The following GRM8 variants were observed in gnomAD, a reference collection of about 807,000 sequenced individuals.
GRM8 encodes metabotropic glutamate receptor 8.
GRM8 carries 47 observed loss-of-function variants against 87.2 expected under a neutral mutation model. The observed-to-expected ratio is 0.54, with a 90% confidence interval of 0.43 to 0.69. GRM8 has a LOEUF of 0.69. GRM8 is among the 30% of genes least tolerant of loss of function. The pLI, the probability that GRM8 is intolerant of heterozygous loss-of-function variation, is 0.00. For missense variants in GRM8, 1,019 were observed against 1,139.2 expected, an observed-to-expected ratio of 0.89 and a Z score of 1.52; for synonymous variants, 396 against 404.5, an observed-to-expected ratio of 0.98 and a Z score of 0.25.
At chr7:126,512,661 A>G (rs1811563754) in intron 9 of GRM8, 1 of 152,214 alleles carries the variant, frequency 6.6e-6, no homozygotes, top group South Asian at 2.1e-4. Flanking sequence ...AGGCTGCCTC[A>G]GCACTCCTTC....
intron 6 of GRM8, among the ~76,000 whole-genome samples, chr7:126,794,559 A>C (rs1372009871): frequency 6.6e-6 from 1 of 152,158 alleles, no homozygotes; most frequent in Non-Finnish European, 1.5e-5. Flanking sequence ...ATTTATTCTA[A>C]TATATAAAAA....
chr7:126,612,579 T>TTCTG (rs776344999), intron 7 of GRM8, among the ~76,000 whole-genome samples: 5 of 152,216 alleles, frequency 3.3e-5, no homozygotes, highest in Non-Finnish European at 4.4e-5. Context: ...TTACTATCCA[T>TTCTG]TCTGTACCTG....
intron 8 of GRM8, among the ~76,000 whole-genome samples, chr7:126,545,104 C>T (rs944249458): frequency 3.3e-5 from 5 of 152,258 alleles, no homozygotes; most frequent in South Asian, 2.1e-4. Context: ...GAAAAAGCCA[C>T]GTAAAAGAGT....
chr7:126,558,188 A>C (rs914636562), intron 8 of GRM8, among the ~76,000 whole-genome samples: 1 of 152,210 alleles, frequency 6.6e-6, no homozygotes, highest in Admixed American at 6.5e-5. Context: ...CAGAGAGTTA[A>C]GTACATGTAA....
At chr7:126,758,417 G>C (rs1817241702) in intron 7 of GRM8, among the ~76,000 whole-genome samples, 1 of 152,016 alleles carries the variant, frequency 6.6e-6, no homozygotes, top group Non-Finnish European at 1.5e-5. Flanking sequence ...GAAGAGCTAG[G>C]ATATGAGCTC....
chr7:127,232,020 C>A (rs1282723548), intron 2 of GRM8, among the ~76,000 whole-genome samples: 2 of 152,026 alleles, frequency 1.3e-5, no homozygotes, highest in African/African-American at 4.8e-5. Flanking sequence ...TCTTACCACC[C>A]AACACATGGA....
chr7:126,621,821 AAGTTTCCTCTTTGGAC>A (rs1450985705), intron 7 of GRM8, among the ~76,000 whole-genome samples: 1 of 151,940 alleles, frequency 6.6e-6, no homozygotes, highest in Non-Finnish European at 1.5e-5. Flanking sequence ...TCATCTCCAA[AAGTTTCCTCTTTGGAC>A]ACCACCTTCC....
intron 2 of GRM8, among the ~76,000 whole-genome samples, chr7:127,151,172 C>T (rs1828840583): frequency 6.6e-6 from 1 of 151,976 alleles, no homozygotes; most frequent in Admixed American, 6.6e-5. Context: ...ACTCTATACT[C>T]CAAAAGTCTC....
chr7:126,732,432 T>C (rs1342362097), intron 7 of GRM8, among the ~76,000 whole-genome samples: 1 of 152,176 alleles, frequency 6.6e-6, no homozygotes, highest in East Asian at 1.9e-4. Context: ...CTTGTGTGAA[T>C]TGTGCCTTAA....
At chr7:126,682,634 C>T (rs1585503195) in intron 7 of GRM8, among the ~76,000 whole-genome samples, 2 of 152,198 alleles carry the variant, frequency 1.3e-5, no homozygotes, top group South Asian at 4.1e-4. Context: ...GCGACTCGGC[C>T]TCACCCATTC....
intron 8 of GRM8, among the ~76,000 whole-genome samples, chr7:126,596,351 T>C (rs567832041): frequency 6.6e-6 from 1 of 152,302 alleles, no homozygotes; most frequent in East Asian, 1.9e-4. Context: ...ATAGCTATTC[T>C]GACTGATGTG....
intron 7 of GRM8, among the ~76,000 whole-genome samples, chr7:126,640,811 G>T (rs1430302371): frequency 2.6e-5 from 4 of 151,730 alleles, no homozygotes; most frequent in Non-Finnish European, 4.4e-5. Context: ...TTTATTTCAG[G>T]TGTATACAGG....
At chr7:126,469,235 A>G (rs958775601) in intron 9 of GRM8, among the ~76,000 whole-genome samples, 3 of 152,170 alleles carry the variant, frequency 2.0e-5, no homozygotes, top group Non-Finnish European at 4.4e-5. Flanking sequence ...TCTAACAAAT[A>G]TTTTAAAAAT....
intron 2 of GRM8, among the ~76,000 whole-genome samples, chr7:127,193,090 G>C (rs1012691955): frequency 6.6e-6 from 1 of 152,166 alleles, no homozygotes; most frequent in African/African-American, 2.4e-5. Flanking sequence ...TTCCCTAATA[G>C]ATTACACATT....
At chr7:126,819,275 T>TACATACACACACACACAC (rs1794076785) in intron 6 of GRM8, among the ~76,000 whole-genome samples, 1 of 148,230 alleles carries the variant, frequency 6.7e-6, no homozygotes, top group Admixed American at 6.8e-5. Flanking sequence ...CAGACACACA[T>TACATACACACACACACAC]ACACACACAC....
intron 8 of GRM8, among the ~76,000 whole-genome samples, chr7:126,572,294 C>T (rs994116656): frequency 2.0e-5 from 3 of 152,046 alleles, no homozygotes; most frequent in Non-Finnish European, 4.4e-5. Context: ...AAAGGATCAT[C>T]CCACAGAGTA....
chr7:126,796,044 A>C (rs1355455256), intron 6 of GRM8, among the ~76,000 whole-genome samples: 1 of 152,152 alleles, frequency 6.6e-6, no homozygotes, highest in East Asian at 1.9e-4. Context: ...ATGAGTTAAG[A>C]TTTTAAAGAT....
chr7:127,032,746 G>T (rs1313414642), intron 3 of GRM8, among the ~76,000 whole-genome samples: 2 of 152,056 alleles, frequency 1.3e-5, no homozygotes, highest in African/African-American at 4.8e-5. Context: ...CCCCAGTATG[G>T]ATCTCTTCCA....
At chr7:127,228,040 C>T (rs1289223173) in intron 2 of GRM8, among the ~76,000 whole-genome samples, 4 of 152,178 alleles carry the variant, frequency 2.6e-5, no homozygotes, top group Non-Finnish European at 5.9e-5. Context: ...ATTATTTTAA[C>T]TTAGAATGGG....
Sources: gnomAD v4.1 joint callset for allele counts (sites outside exome capture counted in the v4.1 genomes callset) on GRCh38, gnomAD v4.1.1 for gene constraint, MANE v1.5 for transcripts, NCBI Gene and HGNC (gene_info 2026-07-23, HGNC 2026-07-21) for gene names.